The following DRG2 variants were observed in gnomAD, a reference collection of about 807,000 sequenced individuals.
DRG2 encodes the protein developmentally-regulated GTP-binding protein 2.
Under a neutral mutation model 53.4 loss-of-function variants are expected in DRG2, and 36 were observed. The observed-to-expected ratio is 0.67, with a 90% confidence interval of 0.52 to 0.89. The LOEUF is 0.89. Among genes scored for constraint, DRG2 ranks in the 40% least tolerant of loss-of-function variants. The pLI is 0.00. For synonymous variants in DRG2, 167 were observed against 192.1 expected (o/e 0.87, Z 1.08); for missense variants, 342 against 481.2 (o/e 0.71, Z 2.71).
chr17:18,089,491 A>G (rs1205796415), intron 1 of DRG2, among the ~76,000 whole-genome samples: 1 of 152,228 alleles, frequency 6.6e-6, no homozygotes, highest in African/African-American at 2.4e-5. Flanking sequence ...AAAGCAGTGA[A>G]CACAGCAGGC....
chr17:18,091,313 C>T (rs918634076), intron 1 of DRG2, among the ~76,000 whole-genome samples: 2 of 152,184 alleles, frequency 1.3e-5, no homozygotes, highest in Admixed American at 1.3e-4. Context: ...TGGTCAGGCA[C>T]AGTGGCTCAC....
At chr17:18,102,081 G>A (rs2045548245) in intron 9 of DRG2, 84 bp downstream of exon 9, 1 of 1,428,900 alleles carries the variant, frequency 7.0e-7, no homozygotes, top group Non-Finnish European at 9.7e-7. Flanking sequence ...CACTTTGGCT[G>A]TGGAGGAGGA....
At chr17:18,092,011 C>T (rs1428457872) in intron 1 of DRG2, 2 of 152,208 alleles carry the variant, frequency 1.3e-5, no homozygotes, top group Non-Finnish European at 2.9e-5. Flanking sequence ...TCTCACTGCC[C>T]TCTGAGACTG....
intron 2 of DRG2, 169 bp downstream of exon 2, chr17:18,094,142 G>A (rs2045386867): frequency 1.5e-5 from 13 of 859,232 alleles, no homozygotes; most frequent in South Asian, 3.9e-5. Context: ...CATGGAGGAC[G>A]CTCTTTCCTC....
Position 18,107,378 on chromosome 17 carries a change from G to A in DRG2, c.*138G>A. 1 of 863,926 alleles carries A rather than the reference G, an allele frequency of 1.2e-6. No homozygotes were observed. Among genetic ancestry groups the A allele is most frequent in the Non-Finnish European group, 1.8e-6 (1 of 553,134 alleles). 53.5% of individuals were successfully genotyped at this position (863,926 alleles called of 1,614,324 possible). On this transcript the variant is annotated 3_prime_UTR_variant, in exon 13 of 13. Transcript: ENST00000225729. ...GTCCCTCAAGTCTCTGCTATTTACA[G>A]AAGTTTCTTCAGTAGGCAGACGAAG...
chr17:18,105,461 C>T (rs936124340), intron 11 of DRG2: 1 of 152,300 alleles, frequency 6.6e-6, no homozygotes, highest in Non-Finnish European at 1.5e-5. Context: ...TTCCGCAAGC[C>T]CAGCCCCAGG....
rs923483008 is a variant in DRG2, at chr17:18,100,130, C to T, written c.468-233C>T. On this transcript the variant is annotated intron_variant, in intron 5 of 12. Coordinates refer to ENST00000225729, the MANE Select transcript of DRG2 (RefSeq NM_001388.5). The surrounding 1 kb of genome is among the most constrained non-coding windows in gnomAD (Gnocchi z 4.1). ...TGGTCACCTCGCGGGGGCTCCACCACTTGCCTGTGCATGCCGACCGTAAAC... is the reference window on the plus strand; with the variant it reads ...TGGTCACCTCGCGGGGGCTCCACCATTTGCCTGTGCATGCCGACCGTAAAC... 6.7e-6 allele frequency: 4 copies of T among 599,604 alleles called. No homozygotes were observed. In the African/African-American group the frequency reaches 7.4e-5, roughly 11 times the overall value. The allele number at this position is 599,604 out of a possible 1,614,324, so 37.1% of individuals were successfully genotyped here. A position where few individuals can be genotyped will look rare whatever the true frequency, so the allele number is the denominator to read the frequency against.
intron 1 of DRG2, among the ~76,000 whole-genome samples, chr17:18,092,550 G>A (rs1047771946): frequency 4.6e-5 from 7 of 152,036 alleles, no homozygotes; most frequent in African/African-American, 7.3e-5. Flanking sequence ...TCTCAACGAC[G>A]GCCTCCTTTT....
chr17:18,106,181 G>C (rs2045626061), intron 11 of DRG2: 1 of 535,434 alleles, frequency 1.9e-6, no homozygotes, highest in East Asian at 3.1e-5. Context: ...TGGTGGCTTT[G>C]GGAACATTCC....
chr17:18,091,392 C>G (rs1437070605), intron 1 of DRG2, among the ~76,000 whole-genome samples: 1 of 151,920 alleles, frequency 6.6e-6, no homozygotes, highest in East Asian at 1.9e-4. Context: ...TTGAGACCAA[C>G]CTGGGCGACA....
At position 18,103,978 on chromosome 17, in the gene DRG2, C is replaced by T; in HGVS notation, c.895+89C>T. ...GGTGTGTGGTGCCCAGAGACCCCAG[C>T]ACCGGCTCTGGCCTGGCTTGTCTAG... On this transcript the variant is annotated intron_variant, in intron 10 of 12. Transcript: ENST00000225729. The surrounding 1 kb of genome is among the most constrained non-coding windows in gnomAD (Gnocchi z 4.4). 2 of 1,295,082 alleles carry T rather than the reference C, an allele frequency of 1.5e-6. No individual in the cohort carries two copies. Among genetic ancestry groups the T allele is most frequent in the Non-Finnish European group, 2.2e-6 (2 of 895,752 alleles). The allele number at this position is 1,295,082 out of a possible 1,614,324, so 80.2% of individuals were successfully genotyped here. A position where few individuals can be genotyped will look rare whatever the true frequency, so the allele number is the denominator to read the frequency against.
At chr17:18,102,882 C>A (rs1301009928) in intron 9 of DRG2, among the ~76,000 whole-genome samples, 2 of 152,224 alleles carry the variant, frequency 1.3e-5, no homozygotes, top group African/African-American at 4.8e-5. Context: ...GCAGGCTCCT[C>A]TTTGGGGCAG....
Position 18,100,355 on chromosome 17 carries a change from C to A in DRG2, c.468-8C>A. The A allele has an allele frequency of 1.9e-6, 3 of 1,614,128 alleles. No individual in the cohort carries two copies. The highest frequency in any genetic ancestry group is 2.2e-5 in the East Asian group (1 of 44,862). ...GCCTGTGAGGGGCTTAAGGGGTACT[C>A]TTCCTAGGTCTCTGCTGGAGAAGGA... On this transcript the variant is annotated splice_region_variant and splice_polypyrimidine_tract_variant and intron_variant, in intron 5 of 12. Coordinates refer to ENST00000225729, the MANE Select transcript of DRG2 (RefSeq NM_001388.5). The surrounding 1 kb of genome is among the most constrained non-coding windows in gnomAD (Gnocchi z 4.1).
chr17:18,089,853 A>G (rs2045282294), intron 1 of DRG2, among the ~76,000 whole-genome samples: 3 of 152,162 alleles, frequency 2.0e-5, no homozygotes, highest in Admixed American at 2.0e-4. Flanking sequence ...GGGTGCAGTG[A>G]TGGGACAGGA....
chr17:18,106,515 G>C (rs565872786), intron 12 of DRG2, 29 bp downstream of exon 12: 12 of 1,613,524 alleles, frequency 7.4e-6, no homozygotes, highest in African/African-American at 5.3e-5. Flanking sequence ...AGCAACCAGG[G>C]GGGTAGACCC....
At chr17:18,106,142 C>T in intron 11 of DRG2, 1 of 471,362 alleles carries the variant, frequency 2.1e-6, no homozygotes, top group Admixed American at 3.3e-5. Context: ...AGCAGAGGGC[C>T]ACTAGCAGCC....
chr17:18,092,362 G>A (rs2045349061), intron 1 of DRG2, among the ~76,000 whole-genome samples: 1 of 152,048 alleles, frequency 6.6e-6, no homozygotes, highest in African/African-American at 2.4e-5. Flanking sequence ...AGTTATTCAG[G>A]AGGCTGAGGC....
Position 18,099,887 on chromosome 17 carries a change from C to T in DRG2, c.467+164C>T, listed in dbSNP as rs1337420135. ...AACACCACCCAGCCTATGGCGTCTT[C>T]TCCTCAAGGCTTGTGTCCAGCCAGC... On this transcript the variant is annotated intron_variant, in intron 5 of 12. Coordinates refer to ENST00000225729, the MANE Select transcript of DRG2 (RefSeq NM_001388.5). The surrounding 1 kb of genome is among the most constrained non-coding windows in gnomAD (Gnocchi z 4.4). 2 of 691,912 alleles carry T rather than the reference C, an allele frequency of 2.9e-6. No individual in the cohort carries two copies. Among genetic ancestry groups the T allele is most frequent in the Non-Finnish European group, 4.9e-6 (2 of 404,764 alleles). The allele number at this position is 691,912 out of a possible 1,614,324, so 42.9% of individuals were successfully genotyped here.
At chr17:18,089,536 C>T (rs923005992) in intron 1 of DRG2, among the ~76,000 whole-genome samples, 8 of 152,150 alleles carry the variant, frequency 5.3e-5, no homozygotes, top group African/African-American at 1.2e-4. Flanking sequence ...TTCTAGTTGA[C>T]GGTCTGAAAA....
Sources: allele counts gnomAD v4.1 joint callset (sites outside exome capture counted in the v4.1 genomes callset), GRCh38; gene constraint gnomAD v4.1.1; non-coding constraint Gnocchi (gnomAD v3.1); transcripts MANE v1.5; gene names NCBI Gene and HGNC (gene_info 2026-07-23, HGNC 2026-07-21).